TTC8: variants seen among roughly 807,000 people sequenced by gnomAD.
The protein encoded by TTC8 is tetratricopeptide repeat domain 8, also known as tetratricopeptide repeat protein 8.
In TTC8, 47 loss-of-function variants were observed where a neutral mutation model predicts 72.5. The observed-to-expected ratio is 0.65, with a 90% confidence interval of 0.51 to 0.83. TTC8 has a LOEUF of 0.83. Among genes scored for constraint, TTC8 ranks in the 40% least tolerant of loss-of-function variants. TTC8 has a pLI of 0.00. For synonymous variants in TTC8, 199 were observed against 221.4 expected, an observed-to-expected ratio of 0.90 and a Z score of 0.90; for missense variants, 611 against 623.2, an observed-to-expected ratio of 0.98 and a Z score of 0.21.
chr14:88,850,181 A>G (rs1440282960), intron 7 of TTC8, among the ~76,000 whole-genome samples: 2 of 152,228 alleles, frequency 1.3e-5, no homozygotes, highest in Non-Finnish European at 2.9e-5. Flanking sequence ...TAAAAATTTT[A>G]AGGTTAATAG....
At chr14:88,833,755 A>G in intron 2 of TTC8, 33 bp downstream of exon 2, 1 of 1,604,212 alleles carries the variant, frequency 6.2e-7, no homozygotes, top group South Asian at 1.1e-5. Context: ...CCTTTAGTTT[A>G]GAGAATTCTT....
chr14:88,857,686 C>T (rs2094863272), intron 9 of TTC8, among the ~76,000 whole-genome samples: 1 of 152,186 alleles, frequency 6.6e-6, no homozygotes, highest in Non-Finnish European at 1.5e-5. Context: ...AATAATACTT[C>T]ACCTTTATTG....
At position 88,861,267 on chromosome 14, in the gene TTC8, A is replaced by G. The variant is rs375557360; in HGVS notation, c.844A>G (p.Lys282Glu). Residue 282 changes from lysine to glutamate, a missense_variant, in exon 10 of 15, where the codon AAA (lysine) becomes GAA (glutamate). Lys to Glu is a moderately conservative substitution (Grantham distance 56). Transcript: ENST00000380656. ...ACCTGTGACTGCTTTAAATCTTTTCAAACAAGGCTTAGATAAGTTTCCAGG... is the reference window on the plus strand; with the variant it reads ...ACCTGTGACTGCTTTAAATCTTTTCGAACAAGGCTTAGATAAGTTTCCAGG... ...DQPVTALNLF[K>E]QGLDKFPGEV... 1 of 1,613,010 alleles carries G rather than the reference A, an allele frequency of 6.2e-7. No individual in the cohort carries two copies. The highest frequency in any genetic ancestry group is 8.5e-7 in the Non-Finnish European group (1 of 1,179,420).
At chr14:88,856,637 A>G (rs1194216168) in intron 8 of TTC8, among the ~76,000 whole-genome samples, 1 of 152,238 alleles carries the variant, frequency 6.6e-6, no homozygotes, top group Non-Finnish European at 1.5e-5. Context: ...TCAGATTCAT[A>G]GACTAGGACA....
intron 14 of TTC8, among the ~76,000 whole-genome samples, chr14:88,875,912 G>A (rs535760680): frequency 1.4e-3 from 214 of 152,094 alleles, no homozygotes; most frequent in African/African-American, 4.9e-3. Context: ...CAACTACCCC[G>A]CCTTCCTCAC....
intron 7 of TTC8, among the ~76,000 whole-genome samples, chr14:88,848,434 G>C (rs969917898): frequency 6.6e-6 from 1 of 152,154 alleles, no homozygotes; most frequent in African/African-American, 2.4e-5. Flanking sequence ...TAGCCTTAAA[G>C]ATAGTTCCTC....
Position 88,871,654 on chromosome 14 carries a change from T to G in TTC8, c.1155T>G (p.Arg385=). 1.9e-6 allele frequency: 3 copies of G among 1,614,170 alleles called. No homozygotes were observed. Among genetic ancestry groups the G allele is most frequent in the Non-Finnish European group, 2.5e-6 (3 of 1,180,008 alleles). Residue 385 remains arginine (R), a synonymous_variant, in exon 12 of 15, where the codon CGT becomes CGG. Transcript: ENST00000380656. This position sits in a 1 kb window ranked among gnomAD's most constrained non-coding sequence, Gnocchi z 4.1. The stretch of plus-strand genomic sequence containing the variant: ...ATATGACTCTGACCTCATTTGAACG[T>G]GCCCTTTCTTTGGCTGAAAATGAAG... ...QYDMTLTSFE[R]ALSLAENEEE...
At chr14:88,847,229 A>G (rs1177916508) in intron 7 of TTC8, among the ~76,000 whole-genome samples, 1 of 152,240 alleles carries the variant, frequency 6.6e-6, no homozygotes, top group East Asian at 1.9e-4. Context: ...AATGGTTAAT[A>G]GACGGGTGTA....
At chr14:88,838,948 AG>A (rs34811870) in intron 2 of TTC8, among the ~76,000 whole-genome samples, 53,024 of 151,896 alleles carry the variant, frequency 0.35, 9,374 homozygotes, top group East Asian at 0.48. Context: ...AAGATATAAA[AG>A]TTTGCTAGAG....
chr14:88,850,971 G>A (rs903346508), intron 7 of TTC8, among the ~76,000 whole-genome samples: 3 of 152,160 alleles, frequency 2.0e-5, no homozygotes, highest in Non-Finnish European at 2.9e-5. Flanking sequence ...TGTACATCTC[G>A]AAGCCATGGC....
rs1385980157 is a variant in TTC8, at chr14:88,833,722, G to A, written c.144G>A (p.Gln48=). The change falls in exon 2 of 15, where the codon CAG becomes CAA. Residue 48 remains glutamine, a splice_region_variant and synonymous_variant. Transcript: ENST00000380656. ...QEPDPELPVH[Q]AAWILKARAL... ...CAGATCCTGAATTGCCAGTGCATCA[G>A]GTAAAGAAAGGTTTAGCTGCAACCT... 6.2e-7 allele frequency: 1 copy of A among 1,613,368 alleles called. No individual in the cohort carries two copies. The highest frequency in any genetic ancestry group is 8.5e-7 in the Non-Finnish European group (1 of 1,179,532).
At chr14:88,877,214 T>C (rs1023967486) in intron 14 of TTC8, 80 bp from the exon 15 acceptor site, 60 of 1,016,414 alleles carry the variant, frequency 5.9e-5, no homozygotes, top group Non-Finnish European at 8.2e-5. Flanking sequence ...ATGCAGATAC[T>C]ATGTCTTATT....
intron 6 of TTC8, among the ~76,000 whole-genome samples, chr14:88,841,738 G>T (rs1336061195): frequency 6.6e-6 from 1 of 152,156 alleles, no homozygotes; most frequent in Non-Finnish European, 1.5e-5. Context: ...CTTTTCCCTT[G>T]ATAAAGAGTA....
At chr14:88,860,530 G>T (rs1296132044) in intron 9 of TTC8, among the ~76,000 whole-genome samples, 2 of 152,072 alleles carry the variant, frequency 1.3e-5, no homozygotes, top group African/African-American at 4.8e-5. Context: ...TGTTCCATGG[G>T]TCATCTCCTC....
At chr14:88,872,192 A>C (rs1037325345) in intron 12 of TTC8, 138 bp from the exon 13 acceptor site, 2 of 1,260,292 alleles carry the variant, frequency 1.6e-6, no homozygotes, top group African/African-American at 3.0e-5. Flanking sequence ...AAATCCACTT[A>C]CGTAGAATTC....
intron 2 of TTC8, among the ~76,000 whole-genome samples, chr14:88,834,959 A>G (rs1332829071): frequency 1.3e-5 from 2 of 152,236 alleles, no homozygotes; most frequent in African/African-American, 2.4e-5. Flanking sequence ...TAATGATACA[A>G]AAGGGAACAA....
At chr14:88,869,218 G>T (rs2094923333) in intron 10 of TTC8, among the ~76,000 whole-genome samples, 1 of 152,180 alleles carries the variant, frequency 6.6e-6, no homozygotes, top group South Asian at 2.1e-4. Context: ...CTTGAAGGTG[G>T]ACTTGAGAAA....
At chr14:88,846,641 T>C (rs1292176590) in intron 7 of TTC8, 2 of 1,466,990 alleles carry the variant, frequency 1.4e-6, no homozygotes, top group Non-Finnish European at 9.2e-7. Flanking sequence ...ATTTACCCAT[T>C]CTTATTGAGG....
chr14:88,839,551 A>C lies in TTC8; in HGVS notation c.244A>C (p.Asn82His). ...AATTGCAGAAATGATGCTGGATGAA[A>C]ATGCTATAGCTCAAGTTCCACGTAA... Reference protein sequence around the residue: ...EGIAEMMLDENAIAQVPRPGT... With the variant: ...EGIAEMMLDEHAIAQVPRPGT... The change falls in exon 3 of 15, where the codon AAT (asparagine) becomes CAT (histidine). Residue 82 changes from asparagine (N) to histidine (H), a missense_variant. Transcript: ENST00000380656. The C allele has an allele frequency of 6.2e-7, 1 of 1,613,242 alleles. No homozygotes were observed. Among genetic ancestry groups the C allele is most frequent in the South Asian group, 1.1e-5 (1 of 91,078 alleles).
Sources: gnomAD v4.1 joint callset for allele counts (sites outside exome capture counted in the v4.1 genomes callset) on GRCh38, gnomAD v4.1.1 for gene constraint, Gnocchi (gnomAD v3.1) non-coding constraint, MANE v1.5 for transcripts, NCBI Gene and HGNC (gene_info 2026-07-23, HGNC 2026-07-21) for gene names.